Variants in KCNB2 observed in about 807,000 individuals in gnomAD.
The protein encoded by KCNB2 is delayed rectifier potassium channel protein.
In KCNB2, 15 loss-of-function variants were observed where a neutral mutation model predicts 61.5. The observed-to-expected ratio is 0.24, with a 90% CI of 0.16 to 0.38. The LOEUF (loss-of-function observed/expected upper bound fraction) is 0.38, where lower values mean the gene tolerates loss of function less well. Among genes scored for constraint, KCNB2 ranks in the 10% least tolerant of loss-of-function variants. KCNB2 has a pLI of 1.00. For missense variants in KCNB2, 828 were observed against 1,125.2 expected (o/e 0.74, Z 3.78); for synonymous variants, 457 against 446.0 (o/e 1.02, Z -0.31).
chr8:72,713,680 CA>C (rs927874782), intron 2 of KCNB2, among the ~76,000 whole-genome samples: 1 of 152,066 alleles, frequency 6.6e-6, no homozygotes, highest in Non-Finnish European at 1.5e-5. Context: ...CATCAAAGAC[CA>C]AAGGTAGATA....
chr8:72,926,178 T>C (rs986601133), intron 2 of KCNB2, among the ~76,000 whole-genome samples: 2 of 152,158 alleles, frequency 1.3e-5, no homozygotes, highest in Non-Finnish European at 2.9e-5. Context: ...GGTTGATCTG[T>C]GCAGCAAACC....
intron 1 of KCNB2, among the ~76,000 whole-genome samples, chr8:72,566,465 C>G (rs534078595): frequency 3.0e-4 from 45 of 151,898 alleles, no homozygotes; most frequent in African/African-American, 1.1e-3. Context: ...TTTGGGAGGC[C>G]AAGGCCAGCG....
At chr8:72,926,303 C>T (rs1370460000) in intron 2 of KCNB2, among the ~76,000 whole-genome samples, 1 of 152,068 alleles carries the variant, frequency 6.6e-6, no homozygotes, top group Non-Finnish European at 1.5e-5. Flanking sequence ...ACCTAAAGTT[C>T]TTATTAGAAT....
chr8:72,626,181 A>C (rs1283773845), intron 2 of KCNB2, among the ~76,000 whole-genome samples: 1 of 152,146 alleles, frequency 6.6e-6, no homozygotes, highest in Non-Finnish European at 1.5e-5. Context: ...ATTTCCACAC[A>C]AGCTACCTGG....
intron 2 of KCNB2, among the ~76,000 whole-genome samples, chr8:72,643,972 TTTTG>T (rs930590257): frequency 6.6e-6 from 1 of 152,152 alleles, no homozygotes; most frequent in African/African-American, 2.4e-5. Flanking sequence ...AGGAAATAAC[TTTTG>T]TTTGTCAGTA....
At chr8:72,845,220 C>T (rs973367971) in intron 2 of KCNB2, among the ~76,000 whole-genome samples, 6 of 152,202 alleles carry the variant, frequency 3.9e-5, no homozygotes, top group African/African-American at 1.4e-4. Context: ...CTGTAGTTTA[C>T]AGGAGGTCCA....
At chr8:72,652,957 A>G (rs997260253) in intron 2 of KCNB2, among the ~76,000 whole-genome samples, 33 of 152,094 alleles carry the variant, frequency 2.2e-4, no homozygotes, top group African/African-American at 8.0e-4. Flanking sequence ...GGGAACCCGT[A>G]GCCTGCCTCT....
intron 2 of KCNB2, among the ~76,000 whole-genome samples, chr8:72,862,791 C>A (rs1377922813): frequency 6.6e-6 from 1 of 152,146 alleles, no homozygotes; most frequent in Non-Finnish European, 1.5e-5. Flanking sequence ...AATCCGAAGG[C>A]TGTCTAGGTA....
At chr8:72,624,708 C>A (rs1013232193) in intron 2 of KCNB2, among the ~76,000 whole-genome samples, 1 of 152,176 alleles carries the variant, frequency 6.6e-6, no homozygotes, top group African/African-American at 2.4e-5. Flanking sequence ...GTCCCCATGA[C>A]CCCCACCTCC....
intron 2 of KCNB2, among the ~76,000 whole-genome samples, chr8:72,686,792 T>A (rs991982489): frequency 6.6e-6 from 1 of 152,210 alleles, no homozygotes; most frequent in Non-Finnish European, 1.5e-5. Context: ...AACAGAGTCC[T>A]GGGCACAAAA....
intron 1 of KCNB2, among the ~76,000 whole-genome samples, chr8:72,548,895 G>T (rs149286316): frequency 2.0e-5 from 3 of 152,240 alleles, no homozygotes; most frequent in African/African-American, 7.2e-5. Flanking sequence ...TGGGTGGTTA[G>T]GTCACTTCAT....
At chr8:72,907,736 A>G (rs1276274736) in intron 2 of KCNB2, among the ~76,000 whole-genome samples, 2 of 152,190 alleles carry the variant, frequency 1.3e-5, no homozygotes, top group Admixed American at 6.5e-5. Flanking sequence ...CTCTGCCTCT[A>G]TGTCCCTATG....
chr8:72,892,167 C>G (rs1395962064), intron 2 of KCNB2, among the ~76,000 whole-genome samples: 3 of 152,132 alleles, frequency 2.0e-5, no homozygotes, highest in Admixed American at 6.5e-5. Context: ...CATTTTAAAC[C>G]CCTCTCCCAC....
intron 2 of KCNB2, among the ~76,000 whole-genome samples, chr8:72,623,076 C>CT (rs1276372210): frequency 6.6e-6 from 1 of 152,110 alleles, no homozygotes; most frequent in African/African-American, 2.4e-5. Flanking sequence ...TTTGGTGTGT[C>CT]TTCATTGACT....
chr8:72,923,965 C>T (rs1322349976), intron 2 of KCNB2, among the ~76,000 whole-genome samples: 1 of 152,188 alleles, frequency 6.6e-6, no homozygotes, highest in Non-Finnish European at 1.5e-5. Context: ...CACCCTACTT[C>T]TGTAAACGTA....
intron 2 of KCNB2, among the ~76,000 whole-genome samples, chr8:72,752,072 G>T (rs190136901): frequency 1.9e-4 from 29 of 152,286 alleles, no homozygotes; most frequent in Admixed American, 7.2e-4. Context: ...AGAAGTGAAT[G>T]GTGAGGTCTG....
chr8:72,773,185 G>T lies in KCNB2; in HGVS notation c.580-162750G>T, dbSNP rs114235260. Among the ~76,000 whole-genome samples the T allele has an allele frequency of 7.9e-5, 12 of 152,210 alleles. 1 individual carries two copies. Among genetic ancestry groups the T allele is most frequent in the East Asian group, 7.7e-4 (4 of 5,184 alleles). ...TAGACAGCACTGCTTAGCATCTGTC[G>T]TGTGAATTATTTGATAGATGAGAAT... On this transcript the variant is annotated intron_variant, in intron 2 of 2. Transcript: ENST00000523207.
At chr8:72,638,518 GTTC>G (rs1409902399) in intron 2 of KCNB2, among the ~76,000 whole-genome samples, 2 of 152,050 alleles carry the variant, frequency 1.3e-5, no homozygotes, top group Non-Finnish European at 2.9e-5. Context: ...TAGAAGCTGG[GTTC>G]TTCTTCTAAT....
intron 2 of KCNB2, among the ~76,000 whole-genome samples, chr8:72,851,116 C>T (rs1585931438): frequency 3.1e-4 from 2 of 6,428 alleles, no homozygotes; most frequent in East Asian, 1.4e-3. Context: ...GCAGCAAAGT[C>T]TATAAAGATT....
Sources: gnomAD v4.1 joint callset for allele counts (sites outside exome capture counted in the v4.1 genomes callset) on GRCh38, gnomAD v4.1.1 for gene constraint, MANE v1.5 for transcripts, NCBI Gene and HGNC (gene_info 2026-07-23, HGNC 2026-07-21) for gene names.